SDK1: variants seen among roughly 807,000 people sequenced by gnomAD.
The protein encoded by SDK1 is protein sidekick-1.
SDK1 carries 157 observed loss-of-function variants against 245.5 expected under a neutral mutation model. That is an observed-to-expected ratio of 0.64 (90% CI 0.56 to 0.73). The LOEUF (loss-of-function observed/expected upper bound fraction) is 0.73, where lower values mean the gene tolerates loss of function less well. SDK1 is among the 30% of genes least tolerant of loss of function. The pLI is 0.00. For synonymous variants in SDK1, 1,647 were observed against 1,278.5 expected (o/e 1.29, Z -6.15); for missense variants, 3,583 against 3,002.3 (o/e 1.19, Z -4.52).
intron 1 of SDK1, among the ~76,000 whole-genome samples, chr7:3,457,233 G>A (rs1780699006): frequency 6.6e-6 from 1 of 152,138 alleles, no homozygotes; most frequent in African/African-American, 2.4e-5. Flanking sequence ...GAAACACGGG[G>A]CCTGGTTTGC....
chr7:4,159,104 G>A (rs1439107901), intron 31 of SDK1, among the ~76,000 whole-genome samples: 2 of 152,266 alleles, frequency 1.3e-5, no homozygotes, highest in African/African-American at 4.8e-5. Flanking sequence ...ATGGAAAAGA[G>A]TGGATGGTGG....
intron 5 of SDK1, among the ~76,000 whole-genome samples, chr7:3,826,491 T>C (rs1779779163): frequency 6.6e-6 from 1 of 152,232 alleles, no homozygotes; most frequent in African/African-American, 2.4e-5. Context: ...TGCTGCCGTT[T>C]GTTGCCATCT....
intron 13 of SDK1, among the ~76,000 whole-genome samples, chr7:3,983,939 C>T (rs983211599): frequency 6.6e-6 from 1 of 152,182 alleles, no homozygotes; most frequent in African/African-American, 2.4e-5. Context: ...CTCAGGTCCT[C>T]GGGCACTGCC....
At chr7:3,481,777 C>T (rs969081425) in intron 1 of SDK1, among the ~76,000 whole-genome samples, 1 of 152,176 alleles carries the variant, frequency 6.6e-6, no homozygotes, top group Non-Finnish European at 1.5e-5. Flanking sequence ...TCATTTGCTC[C>T]AGGGCATGGC....
chr7:3,972,136 G>A (rs989217586), intron 12 of SDK1, among the ~76,000 whole-genome samples: 1 of 147,114 alleles, frequency 6.8e-6, no homozygotes, highest in Non-Finnish European at 1.5e-5. Context: ...CTGGAGTACA[G>A]TGGCATTATC....
intron 1 of SDK1, among the ~76,000 whole-genome samples, chr7:3,337,422 G>C (rs1475316708): frequency 2.0e-5 from 3 of 151,846 alleles, no homozygotes; most frequent in Non-Finnish European, 4.4e-5. Context: ...GATAACACTT[G>C]TGTTGTTGCA....
chr7:3,480,261 G>A (rs968683932), intron 1 of SDK1, among the ~76,000 whole-genome samples: 3 of 152,190 alleles, frequency 2.0e-5, no homozygotes, highest in Non-Finnish European at 2.9e-5. Context: ...GGAAGGGGGC[G>A]TGAAAGCTAG....
At chr7:3,948,251 C>CTTTGTTT (rs1780656335) in intron 5 of SDK1, among the ~76,000 whole-genome samples, 1 of 79,668 alleles carries the variant, frequency 1.3e-5, no homozygotes, top group Admixed American at 1.8e-4. Flanking sequence ...ATCACCATTG[C>CTTTGTTT]TTTTTTTTTT....
At chr7:3,815,962 C>G (rs1779498896) in intron 4 of SDK1, among the ~76,000 whole-genome samples, 2 of 143,452 alleles carry the variant, frequency 1.4e-5, no homozygotes, top group African/African-American at 5.6e-5. Context: ...CGCTCAACTA[C>G]ATGGAAACTG....
At chr7:3,997,415 G>GTTATATACA (rs1251777742) in intron 14 of SDK1, among the ~76,000 whole-genome samples, 144 of 152,072 alleles carry the variant, frequency 9.5e-4, no homozygotes, top group African/African-American at 3.4e-3. Context: ...ATTTAGGTGT[G>GTTATATACA]TTATATACAC....
At chr7:3,497,069 A>C (rs1583951942) in intron 1 of SDK1, among the ~76,000 whole-genome samples, 1 of 152,208 alleles carries the variant, frequency 6.6e-6, no homozygotes, top group East Asian at 1.9e-4. Context: ...TGACAGTTAA[A>C]ATTGTTCTAG....
At chr7:3,647,940 G>C (rs1782900686) in intron 4 of SDK1, among the ~76,000 whole-genome samples, 2 of 152,136 alleles carry the variant, frequency 1.3e-5, no homozygotes, top group Admixed American at 6.6e-5. Flanking sequence ...AAATATCTTG[G>C]AAAGACGAAC....
At chr7:3,670,928 A>C (rs934957395) in intron 4 of SDK1, among the ~76,000 whole-genome samples, 1 of 152,222 alleles carries the variant, frequency 6.6e-6, no homozygotes, top group South Asian at 2.1e-4. Context: ...TTTGATTCCT[A>C]CAAGGACAGG....
intron 5 of SDK1, among the ~76,000 whole-genome samples, chr7:3,826,349 G>A (rs1779774738): frequency 6.6e-6 from 1 of 152,178 alleles, no homozygotes; most frequent in Non-Finnish European, 1.5e-5. Context: ...TATGCACTTT[G>A]TGAATGGAAA....
chr7:3,809,284 G>A (rs1166267613), intron 4 of SDK1, among the ~76,000 whole-genome samples: 1 of 152,166 alleles, frequency 6.6e-6, no homozygotes, highest in Non-Finnish European at 1.5e-5. Context: ...ACAGCACCAA[G>A]AGGATGGTGC....
intron 5 of SDK1, among the ~76,000 whole-genome samples, chr7:3,831,944 A>G (rs73310056): frequency 0.065 from 9,823 of 152,044 alleles, 1,047 homozygotes; most frequent in African/African-American, 0.22. Context: ...CCAGCTGCTC[A>G]GAAGGGTGAG....
chr7:4,140,202 C>T (rs16871112), intron 28 of SDK1, among the ~76,000 whole-genome samples: 3 of 152,256 alleles, frequency 2.0e-5, no homozygotes, highest in African/African-American at 7.2e-5. Context: ...ACAGGCTGCT[C>T]GTCCCCCTCT....
intron 1 of SDK1, among the ~76,000 whole-genome samples, chr7:3,608,816 T>C (rs1781502060): frequency 6.6e-6 from 1 of 152,238 alleles, no homozygotes; most frequent in African/African-American, 2.4e-5. Context: ...TTTATGAAAC[T>C]GACACTTGTT....
chr7:4,138,621 C>G (rs1336116803), intron 28 of SDK1, among the ~76,000 whole-genome samples: 3 of 151,958 alleles, frequency 2.0e-5, no homozygotes, highest in Admixed American at 6.6e-5. Context: ...TTGGCACACA[C>G]CTGTAATCCC....
Sources: allele counts gnomAD v4.1 joint callset (sites outside exome capture counted in the v4.1 genomes callset), GRCh38; gene constraint gnomAD v4.1.1; transcripts MANE v1.5; gene names NCBI Gene and HGNC (gene_info 2026-07-23, HGNC 2026-07-21).